Variants in NME6 observed in about 807,000 individuals in gnomAD.
NME6 encodes nucleoside diphosphate kinase 6, mitochondrial.
NME6 carries 16 observed loss-of-function variants against 22.2 expected under a neutral mutation model. The observed-to-expected ratio is 0.72, with a 90% CI of 0.49 to 1.09. The LOEUF (loss-of-function observed/expected upper bound fraction) is 1.09, where lower values mean the gene tolerates loss of function less well. Ranked by LOEUF, NME6 falls within the 50% of genes least tolerant of loss-of-function variation. The probability of loss-of-function intolerance (pLI) is 0.00; values close to 1 mark genes in which losing one functional copy is unlikely to be tolerated. For missense variants in NME6, 229 were observed against 239.0 expected (o/e 0.96, Z 0.28); for synonymous variants, 58 against 85.2 (o/e 0.68, Z 1.76).
chr3:48,289,398 G>T (rs2034311736), downstream of NME6, among the ~76,000 whole-genome samples: 2 of 152,132 alleles, frequency 1.3e-5, no homozygotes, highest in African/African-American at 2.4e-5. Flanking sequence ...AATGTGTGTG[G>T]AAAGGTGGAT....
chr3:48,295,513 A>G (rs2034989676), intron 4 of NME6: 1 of 411,774 alleles, frequency 2.4e-6, no homozygotes, highest in South Asian at 5.4e-5. Flanking sequence ...TGACAGCCCC[A>G]AACCCGTGTT....
intron 4 of NME6, 112 bp from the exon 5 acceptor site, chr3:48,295,347 T>C: frequency 8.0e-7 from 1 of 1,242,888 alleles, no homozygotes; most frequent in Non-Finnish European, 1.1e-6. Context: ...TTTCCTGCCT[T>C]TCCAGCTGAG....
chr3:48,298,993 C>T (rs1471055047), intron 1 of NME6: 2 of 702,912 alleles, frequency 2.8e-6, no homozygotes, highest in Non-Finnish European at 5.2e-6. Flanking sequence ...GATTGATGGA[C>T]AGCAACTGAG....
intron 1 of NME6, chr3:48,300,514 G>A (rs2035579172): frequency 2.7e-6 from 1 of 373,280 alleles, no homozygotes; most frequent in Non-Finnish European, 5.2e-6. Context: ...CCACCAGAAG[G>A]TGTAAGCAGT....
At chr3:48,300,416 T>C (rs1188992294) in intron 1 of NME6, 3 of 448,454 alleles carry the variant, frequency 6.7e-6, no homozygotes, top group Non-Finnish European at 1.3e-5. Flanking sequence ...CTTTCTCTGG[T>C]TGCCTCCTGC....
intron 4 of NME6, 98 bp downstream of exon 4, chr3:48,296,021 T>G (rs1157546501): frequency 1.1e-6 from 1 of 925,940 alleles, no homozygotes; most frequent in East Asian, 2.4e-5. Context: ...CTGGCCTGAT[T>G]ACAACTTTAA....
chr3:48,297,798 CAG>C (rs1443323224), intron 2 of NME6: 1 of 153,288 alleles, frequency 6.5e-6, no homozygotes, highest in Non-Finnish European at 1.5e-5. Context: ...CTGAAGAAGT[CAG>C]AGAGATTCAA....
Position 48,294,477 on chromosome 3 carries a change from G to A in NME6, c.*160C>T. The A allele has an allele frequency of 1.6e-6, 1 of 624,526 alleles. No individual in the cohort carries two copies. Among genetic ancestry groups the A allele is most frequent in the Non-Finnish European group, 2.8e-6 (1 of 358,100 alleles). The allele number at this position is 624,526 out of a possible 1,614,324, so 38.7% of individuals were successfully genotyped here. ...CAGAGAAGAGGTAGATAGAAGGCTA[G>A]ATCCTGGAGGATGTGCTGTGGTGAG... On this transcript the variant is annotated 3_prime_UTR_variant, in exon 6 of 6. Coordinates refer to ENST00000442597, the MANE Select transcript of NME6 (RefSeq NM_001308426.2).
In NME6 at chr3:48,293,867, A is replaced by G. The variant is rs1464586562; in HGVS notation, c.*770T>C. On this transcript the variant is annotated 3_prime_UTR_variant, in exon 6 of 6. Transcript: ENST00000442597. ...GAAAAACACACAGAAGGAGAAAACC[A>G]AGGGTGTGGGATCAGAAAATCCAAG... 2 of 152,232 alleles carry G rather than the reference A, an allele frequency of 1.3e-5. No individual in the cohort carries two copies. Among genetic ancestry groups the G allele is most frequent in the Non-Finnish European group, 2.9e-5 (2 of 68,030 alleles). 9.4% of individuals were successfully genotyped at this position (152,232 alleles called of 1,614,324 possible).
downstream of NME6, among the ~76,000 whole-genome samples, chr3:48,287,863 C>CT (rs1227933990): frequency 6.6e-6 from 1 of 152,106 alleles, no homozygotes; most frequent in Non-Finnish European, 1.5e-5. Flanking sequence ...AAAAGTTTCT[C>CT]TTCTGGCTGT....
chr3:48,292,880 A>AC lies in NME6; in HGVS notation c.*1756_*1757insG, dbSNP rs2034652945. ...GGATTTTTGTACAGCAAATGGCCTT[A>AC]GAAGACAGAGATAGTATCTCCCTAA... is the stretch of plus-strand genomic sequence containing the variant. On this transcript the variant is annotated 3_prime_UTR_variant, in exon 6 of 6. Coordinates refer to ENST00000442597, the MANE Select transcript of NME6 (RefSeq NM_001308426.2). 6.6e-6 allele frequency: 1 copy of AC among 152,258 alleles called. No individual in the cohort carries two copies. Among genetic ancestry groups the AC allele is most frequent in the Non-Finnish European group, 1.5e-5 (1 of 68,078 alleles). 9.4% of individuals were successfully genotyped at this position (152,258 alleles called of 1,614,324 possible).
At chr3:48,291,086 G>T, downstream of NME6, 1 of 288,334 alleles carries the variant, frequency 3.5e-6, no homozygotes, top group Non-Finnish European at 6.9e-6. Flanking sequence ...GTTACACAAG[G>T]GATACACTTG....
At chr3:48,291,754 T>TA (rs1358481615), downstream of NME6, 1 of 152,622 alleles carries the variant, frequency 6.6e-6, no homozygotes, top group African/African-American at 2.4e-5. Context: ...CTATAGGCAA[T>TA]AGTTTGTTTT....
At chr3:48,290,710 C>G (rs2034393514), downstream of NME6, 2 of 153,982 alleles carry the variant, frequency 1.3e-5, no homozygotes, top group South Asian at 4.1e-4. Context: ...ATGAATTGAA[C>G]AGAATAACAT....
chr3:48,288,002 T>C (rs1575301604), downstream of NME6, among the ~76,000 whole-genome samples: 1 of 152,064 alleles, frequency 6.6e-6, no homozygotes, highest in South Asian at 2.1e-4. Context: ...GAGTGGACGG[T>C]CTAGGAAGAC....
Position 48,301,345 on chromosome 3 carries a change from G to C in NME6, c.-8+8C>G. 35 of 1,570,844 alleles carry C rather than the reference G, an allele frequency of 2.2e-5. No homozygotes were observed. The highest frequency in any genetic ancestry group is 2.9e-5 in the Non-Finnish European group (34 of 1,158,028). ...CCCAGTGCAGCAGAAGTCCGGCTGC[G>C]GGTTCACCTTGTCCTCCGGCACAGG... On this transcript the variant is annotated splice_region_variant and intron_variant, in intron 1 of 5. Transcript: ENST00000442597.
intron 3 of NME6, 58 bp downstream of exon 3, chr3:48,296,667 ATC>A (rs1381744833): frequency 8.4e-7 from 1 of 1,189,586 alleles, no homozygotes; most frequent in African/African-American, 1.5e-5. Flanking sequence ...TCCAGGTAAA[ATC>A]TCTCTTATGG....
downstream of NME6, chr3:48,290,764 G>T: frequency 6.3e-6 from 1 of 158,758 alleles, no homozygotes. Context: ...AAAGTTGGTG[G>T]AAGAAAGGCA....
At position 48,301,339 on chromosome 3, in the gene NME6, G is replaced by A; in HGVS notation, c.-8+14C>T. 2 of 1,574,688 alleles carry A rather than the reference G, an allele frequency of 1.3e-6. No homozygotes were observed. The highest frequency in any genetic ancestry group is 1.3e-5 in the African/African-American group (1 of 74,222). ...CGGAGCCCCAGTGCAGCAGAAGTCCGGCTGCGGGTTCACCTTGTCCTCCGG... is the reference window on the plus strand; with the variant it reads ...CGGAGCCCCAGTGCAGCAGAAGTCCAGCTGCGGGTTCACCTTGTCCTCCGG... On this transcript the variant is annotated intron_variant, in intron 1 of 5. Coordinates refer to ENST00000442597, the MANE Select transcript of NME6 (RefSeq NM_001308426.2).
Sources: gnomAD v4.1 joint callset for allele counts (sites outside exome capture counted in the v4.1 genomes callset) on GRCh38, gnomAD v4.1.1 for gene constraint, MANE v1.5 for transcripts, NCBI Gene and HGNC (gene_info 2026-07-23, HGNC 2026-07-21) for gene names.